ARB2A: variants seen among roughly 807,000 people sequenced by gnomAD.
ARB2A encodes the protein ARB2 cotranscriptional regulator A.
the ARB2A span, among the ~76,000 whole-genome samples, chr5:93,791,960 T>C: frequency 2.6e-5 from 4 of 151,814 alleles, no homozygotes; most frequent in Non-Finnish European, 4.4e-5. Context: ...AAGCAAACAT[T>C]AAGTGATTGA....
At chr5:93,982,946 C>T in the ARB2A span, among the ~76,000 whole-genome samples, 1 of 152,026 alleles carries the variant, frequency 6.6e-6, no homozygotes, top group Admixed American at 6.6e-5. Context: ...CCTCAAGCTA[C>T]CTGGGAGGCT....
At chr5:93,991,085 T>C in the ARB2A span, among the ~76,000 whole-genome samples, 1 of 152,086 alleles carries the variant, frequency 6.6e-6, no homozygotes, top group Admixed American at 6.6e-5. Context: ...TGCAGGAGAC[T>C]AGACAAAGAG....
chr5:93,716,682 T>C, the ARB2A span, among the ~76,000 whole-genome samples: 1 of 106,048 alleles, frequency 9.4e-6, no homozygotes, highest in Non-Finnish European at 1.7e-5. Flanking sequence ...ATTTCTGTAC[T>C]ATAAGCTGTG....
At chr5:93,939,889 A>T in the ARB2A span, among the ~76,000 whole-genome samples, 1 of 152,068 alleles carries the variant, frequency 6.6e-6, no homozygotes, top group Non-Finnish European at 1.5e-5. Flanking sequence ...TGGCAGTCCT[A>T]ACCTAATATG....
the ARB2A span, among the ~76,000 whole-genome samples, chr5:93,939,527 A>G: frequency 6.6e-6 from 1 of 152,218 alleles, no homozygotes; most frequent in Admixed American, 6.5e-5. Context: ...GGAAAACTGA[A>G]ACTTATTACA....
At chr5:93,775,218 T>G in the ARB2A span, among the ~76,000 whole-genome samples, 6 of 152,208 alleles carry the variant, frequency 3.9e-5, no homozygotes, top group Admixed American at 2.0e-4. Flanking sequence ...GTTCTATACC[T>G]AGAATCTGAA....
chr5:93,762,516 A>G, the ARB2A span, among the ~76,000 whole-genome samples: 1 of 152,224 alleles, frequency 6.6e-6, no homozygotes, highest in African/African-American at 2.4e-5. Flanking sequence ...GAGTAAAAAG[A>G]AATGAACAAA....
chr5:93,771,128 C>T, the ARB2A span, among the ~76,000 whole-genome samples: 1 of 152,178 alleles, frequency 6.6e-6, no homozygotes, highest in African/African-American at 2.4e-5. Flanking sequence ...TGAAACAGAA[C>T]AGAGCCCTCA....
chr5:93,954,948 A>G, the ARB2A span, among the ~76,000 whole-genome samples: 1 of 151,980 alleles, frequency 6.6e-6, no homozygotes, highest in African/African-American at 2.4e-5. Context: ...CTGAGTTCCA[A>G]TGCAGAGTCC....
the ARB2A span, among the ~76,000 whole-genome samples, chr5:93,958,204 T>A: frequency 4.6e-5 from 7 of 152,210 alleles, no homozygotes; most frequent in African/African-American, 1.7e-4. Flanking sequence ...TCATTAAACA[T>A]TACATTTTGC....
At chr5:94,051,506 C>G in the ARB2A span, among the ~76,000 whole-genome samples, 3 of 152,134 alleles carry the variant, frequency 2.0e-5, no homozygotes, top group Non-Finnish European at 4.4e-5. Context: ...TTCAAGGGCA[C>G]AAGGAATCAA....
chr5:93,851,224 T>C, the ARB2A span, among the ~76,000 whole-genome samples: 1 of 152,322 alleles, frequency 6.6e-6, no homozygotes, highest in African/African-American at 2.4e-5. Flanking sequence ...AATGAATATT[T>C]AAATAAAAAT....
the ARB2A span, among the ~76,000 whole-genome samples, chr5:94,027,278 G>C: frequency 6.6e-6 from 1 of 152,128 alleles, no homozygotes; most frequent in Non-Finnish European, 1.5e-5. Context: ...ATTCCTACCT[G>C]ATGTCTTTTT....
chr5:94,104,999 TA>T, the ARB2A span, among the ~76,000 whole-genome samples: 1 of 151,792 alleles, frequency 6.6e-6, no homozygotes, highest in African/African-American at 2.4e-5. Context: ...ATACCTTAAA[TA>T]AAAAGAGCCA....
At chr5:94,035,855 G>A in the ARB2A span, among the ~76,000 whole-genome samples, 179 of 152,090 alleles carry the variant, frequency 1.2e-3, 1 homozygote, top group Middle Eastern at 3.4e-3. Flanking sequence ...AGGGCCTGTC[G>A]GGGGGAGGAG....
At chr5:93,855,746 G>C in the ARB2A span, among the ~76,000 whole-genome samples, 1 of 152,088 alleles carries the variant, frequency 6.6e-6, no homozygotes, top group Non-Finnish European at 1.5e-5. Context: ...ATTAAATTCT[G>C]GGTTGAAAAT....
At chr5:93,903,776 C>G in the ARB2A span, among the ~76,000 whole-genome samples, 34 of 149,880 alleles carry the variant, frequency 2.3e-4, no homozygotes, top group East Asian at 6.3e-3. Flanking sequence ...ATAGTCCTAG[C>G]CACATAGCAG....
chr5:93,764,297 G>A, the ARB2A span, among the ~76,000 whole-genome samples: 42 of 152,100 alleles, frequency 2.8e-4, no homozygotes, highest in South Asian at 8.3e-4. Flanking sequence ...TTGATTGACC[G>A]CTAGCAAGAC....
the ARB2A span, among the ~76,000 whole-genome samples, chr5:93,859,538 T>A: frequency 6.6e-6 from 1 of 152,156 alleles, no homozygotes; most frequent in Non-Finnish European, 1.5e-5. Context: ...TTAAGAATGT[T>A]TTAAAATATT....
Sources: allele counts gnomAD v4.1 joint callset (sites outside exome capture counted in the v4.1 genomes callset), GRCh38; gene constraint gnomAD v4.1.1; transcripts MANE v1.5; gene names NCBI Gene and HGNC (gene_info 2026-07-23, HGNC 2026-07-21).